PTBP3: variants seen among roughly 807,000 people sequenced by gnomAD.
PTBP3 encodes the protein polypyrimidine tract-binding protein 3.
In PTBP3, 20 loss-of-function variants were observed where a neutral mutation model predicts 58.7. That is an observed-to-expected ratio of 0.34 (90% confidence interval 0.24 to 0.50). The LOEUF is 0.50. PTBP3 is among the 20% of genes least tolerant of loss of function. PTBP3 has a pLI of 0.98. For synonymous variants in PTBP3, 185 were observed against 219.8 expected (o/e 0.84, Z 1.40); for missense variants, 509 against 637.2 (o/e 0.80, Z 2.17).
chr9:112,275,696 AC>A (rs148819196), intron 3 of PTBP3, 147 bp downstream of exon 3: 9 of 621,880 alleles, frequency 1.4e-5, no homozygotes, highest in South Asian at 3.0e-5. Context: ...TTCCTGTTAC[AC>A]CCCCCCAAAA....
At chr9:112,302,891 G>A (rs1052694922) in intron 1 of PTBP3, among the ~76,000 whole-genome samples, 1 of 152,038 alleles carries the variant, frequency 6.6e-6, no homozygotes, top group Non-Finnish European at 1.5e-5. Context: ...CGCCCAGCCT[G>A]ACTATATTCT....
At chr9:112,225,997 T>C (rs1462245540) in intron 12 of PTBP3, among the ~76,000 whole-genome samples, 3 of 152,012 alleles carry the variant, frequency 2.0e-5, no homozygotes, top group Non-Finnish European at 4.4e-5. Flanking sequence ...TGAGCTGAGA[T>C]CACACCACTG....
chr9:112,320,291 A>AAAATATATATAT (rs1411646280), intron 1 of PTBP3, among the ~76,000 whole-genome samples: 11 of 73,520 alleles, frequency 1.5e-4, no homozygotes, highest in South Asian at 5.2e-4. Flanking sequence ...AAAAAAAAAA[A>AAAATATATATAT]ATATATATAT....
chr9:112,293,690 T>C (rs1828544902), intron 2 of PTBP3, among the ~76,000 whole-genome samples: 1 of 152,210 alleles, frequency 6.6e-6, no homozygotes, highest in South Asian at 2.1e-4. Context: ...ACTTCTCAAC[T>C]CTCACCCTTA....
At chr9:112,324,796 A>G (rs775980130) in intron 1 of PTBP3, among the ~76,000 whole-genome samples, 8 of 152,140 alleles carry the variant, frequency 5.3e-5, no homozygotes, top group Non-Finnish European at 1.0e-4. Flanking sequence ...ATGAGGAAAT[A>G]CTAGTCCACA....
chr9:112,374,824 C>T, the PTBP3 span, among the ~76,000 whole-genome samples: 1 of 152,198 alleles, frequency 6.6e-6, no homozygotes, highest in Non-Finnish European at 1.5e-5. Context: ...AGTGTCTATT[C>T]CAGTGAGGAC....
intron 7 of PTBP3, among the ~76,000 whole-genome samples, chr9:112,239,576 T>C (rs1000586720): frequency 3.3e-5 from 5 of 151,334 alleles, no homozygotes; most frequent in Admixed American, 2.6e-4. Flanking sequence ...TATAAAAACT[T>C]TGAAATTAGC....
rs941112559 is a variant in PTBP3 at position 112,319,172 on chromosome 9, CA to C, written c.-52+14297del. Among the ~76,000 whole-genome samples, 95 of 136,038 alleles carry C rather than the reference CA, an allele frequency of 7.0e-4. 1 individual carries two copies. The East Asian group carries it at 0.014, about 20-fold the overall frequency. 89.2% of individuals were successfully genotyped at this position (136,038 alleles called of 152,430 possible). A position where few individuals can be genotyped will look rare whatever the true frequency, so the allele number is the denominator to read the frequency against. ...AAGAAAATTTCATTTACAATAGCTA[CA>C]AAAAAAAAATACTCAGAAATAAATT... On this transcript the variant is annotated intron_variant, in intron 1 of 13. Coordinates refer to ENST00000374257, the MANE Select transcript of PTBP3 (RefSeq NM_001163788.4).
the PTBP3 span, among the ~76,000 whole-genome samples, chr9:112,342,246 A>G: frequency 4.1e-3 from 629 of 152,252 alleles, 4 homozygotes; most frequent in Non-Finnish European, 6.6e-3. Flanking sequence ...ACAGAGCCGC[A>G]TTACTGGCTT....
chr9:112,348,898 C>T, the PTBP3 span, among the ~76,000 whole-genome samples: 9 of 152,296 alleles, frequency 5.9e-5, no homozygotes, highest in East Asian at 1.7e-3. Context: ...ACTCCACTCA[C>T]GGGTTGAGAA....
chr9:112,242,086 G>A lies in PTBP3; in HGVS notation c.803-7189C>T, dbSNP rs114222986. ...ATAAATAAAACTGCTATGAACATTT[G>A]TGTTTAATTAACACCTAATATTAAA... On this transcript the variant is annotated intron_variant, in intron 7 of 13. Coordinates refer to ENST00000374257, the MANE Select transcript of PTBP3 (RefSeq NM_001163788.4). Among the ~76,000 whole-genome samples, 1,449 of 152,102 alleles carry A rather than the reference G, an allele frequency of 9.5e-3. 16 individuals carry two copies. Among genetic ancestry groups the A allele is most frequent in the African/African-American group, 0.033 (1,386 of 41,482 alleles).
intron 3 of PTBP3, among the ~76,000 whole-genome samples, chr9:112,268,627 G>A (rs1461723117): frequency 1.3e-5 from 2 of 149,824 alleles, no homozygotes; most frequent in African/African-American, 4.9e-5. Context: ...TAGGAGGACT[G>A]CTCAAGCCTG....
intron 10 of PTBP3, 82 bp from the exon 11 acceptor site, chr9:112,228,554 G>C (rs1835080580): frequency 1.4e-6 from 1 of 703,490 alleles, no homozygotes; most frequent in Admixed American, 3.9e-5. Context: ...CTTAAAGAAG[G>C]CATTTCTTAC....
the PTBP3 span, among the ~76,000 whole-genome samples, chr9:112,345,696 T>C: frequency 2.4e-3 from 370 of 152,144 alleles, 3 homozygotes; most frequent in African/African-American, 8.4e-3. Flanking sequence ...AAAGTAAATT[T>C]AAATATAAAA....
intron 3 of PTBP3, among the ~76,000 whole-genome samples, chr9:112,275,130 ATACTT>A (rs1827551830): frequency 9.6e-6 from 1 of 104,412 alleles, no homozygotes; most frequent in African/African-American, 4.3e-5. Context: ...TGACAATACT[ATACTT>A]TTTATTTTTT....
At chr9:112,376,874 T>A in the PTBP3 span, among the ~76,000 whole-genome samples, 1 of 152,160 alleles carries the variant, frequency 6.6e-6, no homozygotes, top group Non-Finnish European at 1.5e-5. Context: ...CCAAGACCAA[T>A]ACTTTGCATC....
At chr9:112,277,416 T>A (rs1237747100) in intron 2 of PTBP3, among the ~76,000 whole-genome samples, 3 of 152,142 alleles carry the variant, frequency 2.0e-5, no homozygotes, top group African/African-American at 7.2e-5. Context: ...CCCTCCAAAA[T>A]GACTACTGAT....
intron 2 of PTBP3, among the ~76,000 whole-genome samples, chr9:112,277,051 C>T (rs1827639283): frequency 6.6e-6 from 1 of 152,044 alleles, no homozygotes; most frequent in African/African-American, 2.4e-5. Context: ...TGTCTGTAAC[C>T]CTAAACAAAT....
chr9:112,368,263 C>T, the PTBP3 span, among the ~76,000 whole-genome samples: 1 of 152,214 alleles, frequency 6.6e-6, no homozygotes, highest in Non-Finnish European at 1.5e-5. Context: ...CTTTGTCTCC[C>T]AGGTTTAAGC....
Sources: gnomAD v4.1 joint callset for allele counts (sites outside exome capture counted in the v4.1 genomes callset) on GRCh38, gnomAD v4.1.1 for gene constraint, MANE v1.5 for transcripts, NCBI Gene and HGNC (gene_info 2026-07-23, HGNC 2026-07-21) for gene names.